RAI1: variants seen among roughly 807,000 people sequenced by gnomAD.
RAI1 encodes retinoic acid induced 1.
RAI1 carries 9 observed loss-of-function variants against 123.8 expected under a neutral mutation model. The ratio of observed to expected loss-of-function variants is 0.07; its 90% confidence interval spans 0.04 to 0.13. The LOEUF (loss-of-function observed/expected upper bound fraction) is 0.13, where lower values mean the gene tolerates loss of function less well. RAI1 is among the 10% of genes least tolerant of loss of function. The pLI, the probability that RAI1 is intolerant of heterozygous loss-of-function variation, is 1.00. For missense variants in RAI1, 2,256 were observed against 2,545.8 expected (o/e 0.89, Z 2.45); for synonymous variants, 1,231 against 1,127.3 (o/e 1.09, Z -1.84).
At chr17:17,805,382 G>A (rs2032576325) in intron 4 of RAI1, among the ~76,000 whole-genome samples, 1 of 151,810 alleles carries the variant, frequency 6.6e-6, no homozygotes, top group Admixed American at 6.6e-5. Flanking sequence ...CCTATTTTGG[G>A]TCCAGCCTCT....
chr17:17,692,192 G>A (rs1421878737), intron 1 of RAI1, among the ~76,000 whole-genome samples: 1 of 152,210 alleles, frequency 6.6e-6, no homozygotes, highest in Non-Finnish European at 1.5e-5. Context: ...TCCTAGGCAG[G>A]ACAGGAGCCT....
At chr17:17,749,029 CACA>C (rs1287092345) in intron 2 of RAI1, among the ~76,000 whole-genome samples, 1 of 152,196 alleles carries the variant, frequency 6.6e-6, no homozygotes, top group Non-Finnish European at 1.5e-5. Flanking sequence ...CAGGGAAATG[CACA>C]ACAACACATC....
chr17:17,721,516 G>A (rs938859105), intron 1 of RAI1, among the ~76,000 whole-genome samples: 4 of 152,200 alleles, frequency 2.6e-5, no homozygotes, highest in Admixed American at 1.3e-4. Flanking sequence ...GGCAATGTGA[G>A]TGGGGCAACA....
intron 2 of RAI1, among the ~76,000 whole-genome samples, chr17:17,760,953 C>T (rs929321994): frequency 1.3e-5 from 2 of 152,176 alleles, no homozygotes; most frequent in African/African-American, 4.8e-5. Context: ...AGATTACCCC[C>T]TTGCCAAGAA....
intron 1 of RAI1, among the ~76,000 whole-genome samples, chr17:17,711,028 C>T (rs916799322): frequency 6.6e-6 from 1 of 152,194 alleles, no homozygotes; most frequent in Non-Finnish European, 1.5e-5. Flanking sequence ...CTCCCTCACA[C>T]GGTTTGTTTG....
At chr17:17,748,722 G>A (rs1338443934) in intron 2 of RAI1, among the ~76,000 whole-genome samples, 1 of 152,320 alleles carries the variant, frequency 6.6e-6, no homozygotes, top group South Asian at 2.1e-4. Flanking sequence ...GCGTATGTCG[G>A]TGGGGCACTG....
chr17:17,685,887 G>C lies in RAI1; in HGVS notation c.-149+4094G>C, dbSNP rs928301569. Among the ~76,000 whole-genome samples the C allele has an allele frequency of 6.6e-6, 1 of 152,120 alleles. No individual in the cohort carries two copies. The highest frequency in any genetic ancestry group is 1.5e-5 in the Non-Finnish European group (1 of 68,034). On this transcript the variant is annotated intron_variant, in intron 1 of 5. Transcript: ENST00000353383. The surrounding 1 kb of genome is among the most constrained non-coding windows in gnomAD (Gnocchi z 4.0). ...ATGTGCATCCTTGCCTCTGTGCATC[G>C]GGCTGGGCTGTTCCTTCCACCTGGG...
rs543593952 is a variant in RAI1 at position 17,791,446 on chromosome 17, C to T, written c.-16-1487C>T. Among the ~76,000 whole-genome samples the T allele has an allele frequency of 1.3e-4, 20 of 152,164 alleles. No homozygotes were observed. The East Asian group carries it at 2.1e-3, about 16-fold the overall frequency. On this transcript the variant is annotated intron_variant, in intron 2 of 5. Coordinates refer to ENST00000353383, the MANE Select transcript of RAI1 (RefSeq NM_030665.4). ...TTCCCTGTGCCCCTCCCCGACTCTG[C>T]GTGCCTCTCCCTCTCTGTGCCCCTC...
At chr17:17,803,063 G>C (rs905411245) in intron 3 of RAI1, among the ~76,000 whole-genome samples, 22 of 150,184 alleles carry the variant, frequency 1.5e-4, no homozygotes, top group Admixed American at 1.5e-3. Flanking sequence ...CAGCCCCGGG[G>C]GGACAGAGTG....
chr17:17,796,448 G>A lies in RAI1; in HGVS notation c.3500G>A (p.Arg1167Gln), dbSNP rs552022575. ...HSKRRRPSEG[R>Q]LPNCRATKKL... ...AAGCGGCGGAGGCCCTCTGAGGGCC[G>A]GCTCCCCAACTGCCGTGCCACCAAG... Residue 1167 changes from arginine to glutamine, a missense_variant, in exon 3 of 6, where the codon CGG (arginine) becomes CAG (glutamine). Arg to Gln is a conservative substitution (Grantham distance 43). Coordinates refer to ENST00000353383, the MANE Select transcript of RAI1 (RefSeq NM_030665.4). The surrounding 1 kb of genome is among the most constrained non-coding windows in gnomAD (Gnocchi z 5.8). 19 of 1,612,974 alleles carry A rather than the reference G, an allele frequency of 1.2e-5. No individual in the cohort carries two copies. In the South Asian group the frequency reaches 1.5e-4, roughly 13 times the overall value.
rs1242621365 is a variant in RAI1, at chr17:17,796,103, T to A, written c.3155T>A (p.Leu1052His). ...CCAGGCCGGGGGGCCTCGGAAGGGC[T>A]CCCCAGGATGTGTACTCGTTCTCTC... ...GAPGRGASEG[L>H]PRMCTRSLTA... Residue 1052 changes from leucine (L) to histidine (H), a missense_variant, in exon 3 of 6, where the codon CTC becomes CAC. Physicochemically the swap from Leu to His is moderately conservative, Grantham distance 99. Coordinates refer to ENST00000353383, the MANE Select transcript of RAI1 (RefSeq NM_030665.4). The surrounding 1 kb of genome is among the most constrained non-coding windows in gnomAD (Gnocchi z 5.8). 1 of 1,584,010 alleles carries A rather than the reference T, an allele frequency of 6.3e-7. No individual in the cohort carries two copies. The highest frequency in any genetic ancestry group is 2.3e-5 in the East Asian group (1 of 43,380).
intron 2 of RAI1, among the ~76,000 whole-genome samples, chr17:17,758,984 T>C (rs185979505): frequency 1.1e-3 from 164 of 152,234 alleles, no homozygotes; most frequent in African/African-American, 3.8e-3. Flanking sequence ...AAGAGAGTTT[T>C]TACTTAGAGG....
intron 2 of RAI1, among the ~76,000 whole-genome samples, chr17:17,780,939 C>CA (rs1306763847): frequency 6.6e-6 from 1 of 152,194 alleles, no homozygotes; most frequent in Non-Finnish European, 1.5e-5. Context: ...GCCCAGCACT[C>CA]AGAGTCAGCG....
intron 1 of RAI1, among the ~76,000 whole-genome samples, chr17:17,715,218 GCTCTGCCTGTTTC>G (rs1915672852): frequency 6.6e-6 from 1 of 152,264 alleles, no homozygotes; most frequent in South Asian, 2.1e-4. Flanking sequence ...GAAGCCAGGG[GCTCTGCCTGTTTC>G]CTCTGCACTG....
intron 2 of RAI1, among the ~76,000 whole-genome samples, chr17:17,767,534 G>T (rs1170047967): frequency 6.6e-6 from 1 of 152,176 alleles, no homozygotes; most frequent in Non-Finnish European, 1.5e-5. Context: ...AAGAAAATTG[G>T]GATTGTGTTG....
intron 2 of RAI1, among the ~76,000 whole-genome samples, chr17:17,786,128 C>T (rs767810334): frequency 6.6e-6 from 1 of 152,170 alleles, no homozygotes; most frequent in Non-Finnish European, 1.5e-5. Context: ...CCTCCCCCCC[C>T]ACTTTATTTG....
chr17:17,744,585 G>T (rs1253375885), intron 2 of RAI1, among the ~76,000 whole-genome samples: 1 of 152,138 alleles, frequency 6.6e-6, no homozygotes, highest in East Asian at 1.9e-4. Context: ...GAGGTCAGGA[G>T]TTCGAGACCA....
intron 1 of RAI1, among the ~76,000 whole-genome samples, chr17:17,710,874 G>C (rs1356947485): frequency 6.6e-6 from 1 of 152,216 alleles, no homozygotes; most frequent in Non-Finnish European, 1.5e-5. Context: ...GCAAGTTCAT[G>C]GCATAAGCTA....
chr17:17,707,367 G>A (rs927754626), intron 1 of RAI1, among the ~76,000 whole-genome samples: 11 of 152,180 alleles, frequency 7.2e-5, no homozygotes, highest in African/African-American at 1.4e-4. Context: ...GGGGAGATGC[G>A]TGCAGTTTTA....
Sources: allele counts gnomAD v4.1 joint callset (sites outside exome capture counted in the v4.1 genomes callset), GRCh38; gene constraint gnomAD v4.1.1; non-coding constraint Gnocchi (gnomAD v3.1); transcripts MANE v1.5; gene names NCBI Gene and HGNC (gene_info 2026-07-23, HGNC 2026-07-21).